Variants in ATF7 observed in about 807,000 individuals in gnomAD.
ATF7 encodes the protein cyclic AMP-dependent transcription factor ATF-7.
A neutral mutation model predicts 50.4 loss-of-function variants in ATF7; 10 were observed. That is an observed-to-expected ratio of 0.20 (90% confidence interval 0.12 to 0.34). ATF7 has a LOEUF of 0.34. Among genes scored for constraint, ATF7 ranks in the 10% least tolerant of loss-of-function variants. The pLI, the probability that ATF7 is intolerant of heterozygous loss-of-function variation, is 1.00. For missense variants in ATF7, 465 were observed against 613.9 expected (o/e 0.76, Z 2.56); for synonymous variants, 201 against 226.4 (o/e 0.89, Z 1.01).
At position 53,524,789 on chromosome 12, in the gene ATF7, CTTG is replaced by C. The variant is rs1938345571; in HGVS notation, c.928-31_928-29del. 5.2e-6 allele frequency: 8 copies of C among 1,540,928 alleles called. No individual in the cohort carries two copies. The highest frequency in any genetic ancestry group is 6.1e-6 in the Non-Finnish European group (7 of 1,141,150). On this transcript the variant is annotated intron_variant, in intron 9 of 11. Transcript: ENST00000420353. This position sits in a 1 kb window ranked among gnomAD's most constrained non-coding sequence, Gnocchi z 4.6. ...GGTGCCCAGGAAGGAAGAGAGGTTA[CTTG>C]ATGGGAACATTAATCCTTTCCAAAT...
In ATF7 at chr12:53,513,388, G is replaced by A. The variant is rs1944190288; in HGVS notation, c.*3749C>T. 1 of 152,182 alleles carries A rather than the reference G, an allele frequency of 6.6e-6. No individual in the cohort carries two copies. The highest frequency in any genetic ancestry group is 1.5e-5 in the Non-Finnish European group (1 of 68,034). The allele number at this position is 152,182 out of a possible 1,614,324, so 9.4% of individuals were successfully genotyped here. On this transcript the variant is annotated 3_prime_UTR_variant, in exon 12 of 12. Transcript: ENST00000420353. ...CACAGAGAAATCAGTCCTGTACTAT[G>A]AGAGGGATGACTAGAGTTATGGGAG...
At chr12:53,593,428 C>A (rs541772527) in intron 2 of ATF7, among the ~76,000 whole-genome samples, 1 of 152,212 alleles carries the variant, frequency 6.6e-6, no homozygotes, top group Admixed American at 6.5e-5. Flanking sequence ...GTGTTTAAGT[C>A]ACTGGCACAT....
chr12:53,612,507 C>T (rs1469438975), intron 1 of ATF7, among the ~76,000 whole-genome samples: 3 of 151,970 alleles, frequency 2.0e-5, no homozygotes, highest in East Asian at 1.9e-4. Context: ...CTCCTGACCT[C>T]GTGATCCACC....
intron 1 of ATF7, among the ~76,000 whole-genome samples, chr12:53,603,118 T>A (rs954427424): frequency 6.6e-6 from 1 of 152,232 alleles, no homozygotes; most frequent in African/African-American, 2.4e-5. Context: ...CAGGCAGGAT[T>A]CCTTACTTTT....
At chr12:53,561,329 TAA>T (rs57397230) in intron 2 of ATF7, among the ~76,000 whole-genome samples, 368 of 134,448 alleles carry the variant, frequency 2.7e-3, no homozygotes, top group African/African-American at 5.4e-3. Context: ...ACTGTCTCTT[TAA>T]AAAAAAAAAA....
intron 2 of ATF7, among the ~76,000 whole-genome samples, chr12:53,553,411 G>A (rs931366854): frequency 3.3e-5 from 5 of 152,202 alleles, no homozygotes; most frequent in Non-Finnish European, 5.9e-5. Context: ...CCTGTAGGCA[G>A]GATGAGGGAA....
At position 53,517,213 on chromosome 12, in the gene ATF7, C is replaced by T. The variant is rs1461647467; in HGVS notation, c.1376G>A (p.Ser459Asn). Residue 459 changes from serine to asparagine, a missense_variant, in exon 12 of 12, where the codon AGC becomes AAC. Coordinates refer to ENST00000420353, the MANE Select transcript of ATF7 (RefSeq NM_006856.3). The part of the protein sequence containing the change: ...VATSVLTQMA[S>N]QRTELSMPIQ... ...CGGCATGCTCAGTTCTGTCCTTTGG[C>T]TGGCCATCTGAGTGAGGACCGAGGT... is the stretch of plus-strand genomic sequence containing the variant. 7 of 1,613,922 alleles carry T rather than the reference C, an allele frequency of 4.3e-6. No homozygotes were observed. The African/African-American group carries it at 6.7e-5, about 15-fold the overall frequency.
intron 2 of ATF7, among the ~76,000 whole-genome samples, chr12:53,557,006 C>T (rs1940799138): frequency 6.6e-6 from 1 of 152,162 alleles, no homozygotes; most frequent in Non-Finnish European, 1.5e-5. Flanking sequence ...GAGTCTCCTG[C>T]CTCAGCTTCC....
At chr12:53,568,858 TA>T (rs1565961790) in intron 2 of ATF7, among the ~76,000 whole-genome samples, 1 of 152,130 alleles carries the variant, frequency 6.6e-6, no homozygotes, top group Non-Finnish European at 1.5e-5. Context: ...GGCAGGCAGG[TA>T]GGGGCAAAGA....
At chr12:53,575,127 G>A (rs1230184740) in intron 2 of ATF7, among the ~76,000 whole-genome samples, 2 of 151,086 alleles carry the variant, frequency 1.3e-5, no homozygotes, top group Non-Finnish European at 3.0e-5. Flanking sequence ...CAAAAACTAG[G>A]CTGGGTGTGG....
intron 5 of ATF7, 84 bp downstream of exon 5, chr12:53,537,331 G>A (rs1939281251): frequency 1.4e-5 from 21 of 1,505,830 alleles, no homozygotes; most frequent in Non-Finnish European, 1.9e-5. Context: ...GGCCTCCTGA[G>A]TAGTTAGGAC....
intron 2 of ATF7, 89 bp downstream of exon 2, chr12:53,600,864 A>G: frequency 7.5e-7 from 1 of 1,325,974 alleles, no homozygotes; most frequent in Non-Finnish European, 1.1e-6. Flanking sequence ...ATCACGTAAA[A>G]TACTGGCTTT....
chr12:53,586,033 T>G (rs1301305325), intron 2 of ATF7, among the ~76,000 whole-genome samples: 1 of 152,140 alleles, frequency 6.6e-6, no homozygotes, highest in Non-Finnish European at 1.5e-5. Context: ...TATGCATAAC[T>G]GAAAGTACAA....
intron 9 of ATF7, among the ~76,000 whole-genome samples, chr12:53,528,269 A>G (rs1938596577): frequency 6.6e-6 from 1 of 152,258 alleles, no homozygotes; most frequent in South Asian, 2.1e-4. Flanking sequence ...TAAGAAATTT[A>G]CAGTAATTCT....
intron 2 of ATF7, among the ~76,000 whole-genome samples, chr12:53,589,911 T>C (rs1385368427): frequency 6.6e-6 from 1 of 152,194 alleles, no homozygotes; most frequent in African/African-American, 2.4e-5. Flanking sequence ...CTTACACTTC[T>C]CAAGTAGTTT....
In ATF7 at chr12:53,513,896, C is replaced by T. The variant is rs990689662; in HGVS notation, c.*3241G>A. On this transcript the variant is annotated 3_prime_UTR_variant, in exon 12 of 12. Coordinates refer to ENST00000420353, the MANE Select transcript of ATF7 (RefSeq NM_006856.3). ...AGTGAATCAAGAAAGGAGCCAAAAC[C>T]AACAGAACAGGGATAGAGAAGTGAG... 3.3e-5 allele frequency: 5 copies of T among 152,272 alleles called. No homozygotes were observed. Among genetic ancestry groups the T allele is most frequent in the Admixed American group, 1.3e-4 (2 of 15,280 alleles). 9.4% of individuals were successfully genotyped at this position (152,272 alleles called of 1,614,324 possible). A position where few individuals can be genotyped will look rare whatever the true frequency, so the allele number is the denominator to read the frequency against.
intron 3 of ATF7, among the ~76,000 whole-genome samples, chr12:53,545,016 TACTTTAGTAAGGGCATACCC>T (rs1939810712): frequency 6.6e-6 from 1 of 152,026 alleles, no homozygotes; most frequent in South Asian, 2.1e-4. Flanking sequence ...GCTTAGAGAG[TACTTTAGTAAGGGCATACCC>T]AAAATCATAA....
At chr12:53,583,114 A>G (rs1942514892) in intron 2 of ATF7, among the ~76,000 whole-genome samples, 1 of 152,222 alleles carries the variant, frequency 6.6e-6, no homozygotes, top group Non-Finnish European at 1.5e-5. Context: ...TGTAAAATAC[A>G]AAACTATAAA....
At chr12:53,541,280 A>T (rs2137427965) in intron 4 of ATF7, among the ~76,000 whole-genome samples, 1 of 152,254 alleles carries the variant, frequency 6.6e-6, no homozygotes, top group East Asian at 1.9e-4. Context: ...CTATATTCTG[A>T]TAGGATCCCA....
Sources: allele counts gnomAD v4.1 joint callset (sites outside exome capture counted in the v4.1 genomes callset), GRCh38; gene constraint gnomAD v4.1.1; non-coding constraint Gnocchi (gnomAD v3.1); transcripts MANE v1.5; gene names NCBI Gene and HGNC (gene_info 2026-07-23, HGNC 2026-07-21).